Variants in ARRDC2 observed in about 807,000 individuals in gnomAD.
ARRDC2 encodes arrestin domain-containing protein 2.
A neutral mutation model predicts 38.9 loss-of-function variants in ARRDC2; 39 were observed. The observed-to-expected ratio is 1.00, with a 90% CI of 0.78 to 1.31. ARRDC2 has a LOEUF of 1.31. ARRDC2 is among the 50% of genes most tolerant of loss of function. The probability of loss-of-function intolerance (pLI) is 0.00; values close to 1 mark genes in which losing one functional copy is unlikely to be tolerated. For synonymous variants in ARRDC2, 300 were observed against 261.9 expected, an observed-to-expected ratio of 1.15 and a Z score of -1.41; for missense variants, 553 against 588.4, an observed-to-expected ratio of 0.94 and a Z score of 0.62.
At chr19:18,003,107 A>C (rs2033209685) in intron 1 of ARRDC2, among the ~76,000 whole-genome samples, 1 of 151,910 alleles carries the variant, frequency 6.6e-6, no homozygotes, top group South Asian at 2.1e-4. Flanking sequence ...CTCAAAAACA[A>C]AAACAAAAAC....
At chr19:18,010,546 TCAC>T in intron 6 of ARRDC2, 23 bp from the exon 7 acceptor site, 1 of 1,611,458 alleles carries the variant, frequency 6.2e-7, no homozygotes, top group South Asian at 1.1e-5. Flanking sequence ...CCTGCCAACC[TCAC>T]CCACCCTGTC....
At chr19:18,001,569 C>A in exon 1 of ARRDC2, 2 of 1,342,052 alleles carry the variant, frequency 1.5e-6, no homozygotes, top group Non-Finnish European at 1.9e-6. Flanking sequence ...AGCTGCTGCT[C>A]CGAGGTGAGA....
Position 18,010,329 on chromosome 19 carries a change from G to A in ARRDC2, c.983G>A (p.Arg328Lys). 6.2e-7 allele frequency: 1 copy of A among 1,611,946 alleles called. No individual in the cohort carries two copies. ...GSHASFLLDW[R>K]LGALPERPEA... is the part of the protein sequence containing the mutation. ...CACGCCAGCTTCCTGCTGGACTGGA[G>A]GCTGGGGGCCTTGCCGGAGCGGCCT... The change falls in exon 6 of 8, where the codon AGG (arginine) becomes AAG (lysine). Residue 328 changes from arginine (R) to lysine (K), a missense_variant. Coordinates refer to ENST00000222250, the MANE Select transcript of ARRDC2 (RefSeq NM_015683.2).
exon 1 of ARRDC2, chr19:18,001,411 C>G: frequency 1.6e-6 from 2 of 1,225,822 alleles, no homozygotes; most frequent in Non-Finnish European, 1.0e-6. Context: ...CCGGGTGCTG[C>G]TGGAGGCGGC....
At position 18,010,350 on chromosome 19, in the gene ARRDC2, G is replaced by T. The variant is rs747068056; in HGVS notation, c.1004G>T (p.Arg335Leu). 1 of 1,609,200 alleles carries T rather than the reference G, an allele frequency of 6.2e-7. No individual in the cohort carries two copies. The highest frequency in any genetic ancestry group is 8.5e-7 in the Non-Finnish European group (1 of 1,179,790). ...TGGAGGCTGGGGGCCTTGCCGGAGCGGCCTGAGGGTAAGCTCCCACCCTGC... is the reference window on the plus strand; with the variant it reads ...TGGAGGCTGGGGGCCTTGCCGGAGCTGCCTGAGGGTAAGCTCCCACCCTGC... ...LDWRLGALPE[R>L]PEAPPEYSEV... Residue 335 changes from arginine (R) to leucine (L), a missense_variant, in exon 6 of 8, where the codon CGG becomes CTG. Physicochemically the swap from Arg to Leu is moderately radical, Grantham distance 102. This residue lies in a region of ARRDC2 where 100 missense variants were observed against 107.6 expected (regional missense o/e 0.93). Transcript: ENST00000222250.
In ARRDC2 at chr19:18,009,611, G is replaced by C; in HGVS notation, c.509G>C (p.Arg170Pro). The C allele has an allele frequency of 6.2e-7, 1 of 1,603,624 alleles. No individual in the cohort carries two copies. ...PALLAPQAGAREKVARSWYCN... is the reference protein window; with the variant it reads ...PALLAPQAGAPEKVARSWYCN... ...CGACAGGCACCTCAAGCGGGGGCTC[G>C]GGAAAAGGTTGCCCGATCCTGGTAC... The change falls in exon 4 of 8, where the codon CGG becomes CCG. Residue 170 changes from arginine to proline, a missense_variant. Physicochemically the swap from Arg to Pro is moderately radical, Grantham distance 103 (BLOSUM62 -2). This residue lies in a region of ARRDC2 where 447 missense variants were observed against 456.6 expected (regional missense o/e 0.98). Transcript: ENST00000222250.
At position 18,009,871 on chromosome 19, in the gene ARRDC2, C is replaced by T. The variant is rs752911818; in HGVS notation, c.681C>T (p.Phe227=). ...PRAAVVQTQT[F]MARGARKQKR... ...CAGCCGTGGTGCAGACACAGACGTT[C>T]ATGGCCCGAGGCGCCCGAAAGCAGA... is the stretch of plus-strand genomic sequence containing the variant. Residue 227 remains phenylalanine (F), a synonymous_variant, in exon 5 of 8, where the codon TTC becomes TTT. Coordinates refer to ENST00000222250, the MANE Select transcript of ARRDC2 (RefSeq NM_015683.2). 1.9e-6 allele frequency: 3 copies of T among 1,611,738 alleles called. No individual in the cohort carries two copies. The highest frequency in any genetic ancestry group is 1.1e-5 in the South Asian group (1 of 91,082).
chr19:18,001,519 A>G, exon 1 of ARRDC2: 1 of 1,390,580 alleles, frequency 7.2e-7, no homozygotes, highest in South Asian at 1.5e-5. Context: ...CGCCGTATCC[A>G]GCGACTACGC....
chr19:18,008,904 G>A, intron 2 of ARRDC2, 67 bp from the exon 3 acceptor site: 1 of 1,603,676 alleles, frequency 6.2e-7, no homozygotes, highest in South Asian at 1.1e-5. Context: ...CGGAGTGTCT[G>A]TGTCTCCTTC....
upstream of ARRDC2, among the ~76,000 whole-genome samples, chr19:18,003,243 C>A (rs1402620034): frequency 1.3e-5 from 2 of 152,098 alleles, no homozygotes; most frequent in Non-Finnish European, 1.5e-5. Flanking sequence ...CATAATGAGA[C>A]CTCCCACCCT....
upstream of ARRDC2, chr19:18,008,121 A>ACCCCATATAAACACCCCCCC: frequency 2.7e-6 from 1 of 364,080 alleles, no homozygotes; most frequent in Non-Finnish European, 4.2e-6. Context: ...CGGTGACCCC[A>ACCCCATATAAACACCCCCCC]CCCCCCCCCG....
chr19:18,007,059 C>G (rs745799252), upstream of ARRDC2: 1 of 152,700 alleles, frequency 6.5e-6, no homozygotes, highest in African/African-American at 2.4e-5. Context: ...ACCCACACAC[C>G]TCACTGAGGT....
intron 1 of ARRDC2, among the ~76,000 whole-genome samples, chr19:18,002,161 C>T (rs1362211241): frequency 6.6e-6 from 1 of 152,202 alleles, no homozygotes; most frequent in Non-Finnish European, 1.5e-5. Context: ...AGAGAAGGCC[C>T]CCAACTCGTG....
upstream of ARRDC2, chr19:18,008,147 G>A (rs2033319862): frequency 2.8e-4 from 105 of 372,548 alleles, no homozygotes; most frequent in Middle Eastern, 1.1e-3. Flanking sequence ...CCGTATAAAA[G>A]CGGCGCCGAC....
chr19:18,008,048 C>G, upstream of ARRDC2: 1 of 1,042,386 alleles, frequency 9.6e-7, no homozygotes, highest in Non-Finnish European at 1.3e-6. Flanking sequence ...TGCTCCACGC[C>G]TGGGCAGAGC....
intron 3 of ARRDC2, 38 bp from the exon 4 acceptor site, chr19:18,009,552 CAA>C (rs1568467551): frequency 1.2e-5 from 19 of 1,541,134 alleles, no homozygotes; most frequent in African/African-American, 1.4e-5. Context: ...GTGGTTTGCA[CAA>C]AGTGACTCAT....
chr19:18,001,755 C>T (rs1196009027), intron 1 of ARRDC2, among the ~76,000 whole-genome samples: 2 of 152,284 alleles, frequency 1.3e-5, no homozygotes, highest in Non-Finnish European at 2.9e-5. Flanking sequence ...CTAGCCTGGG[C>T]GACATGGTGA....
intron 7 of ARRDC2, among the ~76,000 whole-genome samples, chr19:18,012,445 G>A (rs559186873): frequency 5.6e-4 from 85 of 152,074 alleles, no homozygotes; most frequent in Admixed American, 1.2e-3. Flanking sequence ...AAATTAGCTG[G>A]GTGTGGTGGC....
At chr19:18,007,896 GC>G (rs1188159135), upstream of ARRDC2, 6 of 288,052 alleles carry the variant, frequency 2.1e-5, no homozygotes, top group Non-Finnish European at 3.9e-5. Flanking sequence ...TCAGGCCTGG[GC>G]CCTGCCTCTG....
Sources: gnomAD v4.1 joint callset for allele counts (sites outside exome capture counted in the v4.1 genomes callset) on GRCh38, gnomAD v4.1.1 for gene constraint, gnomAD v4.1.1 regional missense constraint, MANE v1.5 for transcripts, NCBI Gene and HGNC (gene_info 2026-07-23, HGNC 2026-07-21) for gene names.